MAPK4: variants seen among roughly 807,000 people sequenced by gnomAD.
The protein encoded by MAPK4 is mitogen-activated protein kinase 4, also known as Erk3-related.
Under a neutral mutation model 47.7 loss-of-function variants are expected in MAPK4, and 22 were observed. That is an observed-to-expected ratio of 0.46 (90% CI 0.33 to 0.66). MAPK4 has a LOEUF of 0.66. Among genes scored for constraint, MAPK4 ranks in the 30% least tolerant of loss-of-function variants. MAPK4 has a pLI of 0.02. For missense variants in MAPK4, 736 were observed against 831.7 expected, an observed-to-expected ratio of 0.88 and a Z score of 1.42; for synonymous variants, 390 against 365.7, an observed-to-expected ratio of 1.07 and a Z score of -0.76.
intron 1 of MAPK4, among the ~76,000 whole-genome samples, chr18:50,624,268 G>A (rs140836734): frequency 1.3e-5 from 2 of 152,316 alleles, no homozygotes; most frequent in East Asian, 3.9e-4. Context: ...GCTTTGTATG[G>A]CCTGTTGCAC....
In MAPK4 at chr18:50,664,423, C is replaced by G. The variant is rs371208782; in HGVS notation, c.465C>G (p.Ile155Met). 6.2e-7 allele frequency: 1 copy of G among 1,614,150 alleles called. No individual in the cohort carries two copies. The highest frequency in any genetic ancestry group is 1.1e-5 in the South Asian group (1 of 91,072). The change falls in exon 2 of 6, where the codon ATC becomes ATG. Residue 155 changes from isoleucine to methionine, a missense_variant. By Grantham distance (10) the Ile-to-Met change is conservative (BLOSUM62 1). This residue lies in a region of MAPK4 where 327 missense variants were observed against 395.4 expected (regional missense o/e 0.83). Coordinates refer to ENST00000400384, the MANE Select transcript of MAPK4 (RefSeq NM_002747.4). The surrounding 1 kb of genome is among the most constrained non-coding windows in gnomAD (Gnocchi z 6.0). ...ACAGGGACCTGAAGCCCGCCAACAT[C>G]TTCATCAGCACAGAGGACCTCGTGC... ...VLHRDLKPAN[I>M]FISTEDLVLK...
At chr18:50,582,690 A>T (rs1011779425) in intron 1 of MAPK4, among the ~76,000 whole-genome samples, 1 of 152,244 alleles carries the variant, frequency 6.6e-6, no homozygotes, top group Admixed American at 6.5e-5. Flanking sequence ...TTGGCCTGGC[A>T]GACTGTGCTT....
intron 1 of MAPK4, among the ~76,000 whole-genome samples, chr18:50,612,887 G>T (rs991054383): frequency 4.6e-5 from 7 of 152,146 alleles, no homozygotes; most frequent in African/African-American, 1.7e-4. Context: ...AAGATCTTTG[G>T]CAAACAACAA....
chr18:50,618,955 A>G (rs939013484), intron 1 of MAPK4, among the ~76,000 whole-genome samples: 9 of 152,174 alleles, frequency 5.9e-5, no homozygotes, highest in East Asian at 1.9e-4. Flanking sequence ...ACTGCCTTCT[A>G]TAGAATATCT....
Position 50,729,640 on chromosome 18 carries a change from G to C in MAPK4, c.1550G>C (p.Arg517Pro), listed in dbSNP as rs761591123. ...ASPPADDPER[R>P]LSASPPGRPA... ...CCGCCCGCCGACGACCCCGAGCGCC[G>C]CTTGTCTGCCTCGCCCCCCGGCCGC... The change falls in exon 6 of 6, where the codon CGC becomes CCC. Residue 517 changes from arginine (R) to proline (P), a missense_variant. Transcript: ENST00000400384. The C allele has an allele frequency of 5.2e-5, 77 of 1,483,912 alleles. No homozygotes were observed. Among genetic ancestry groups the C allele is most frequent in the Non-Finnish European group, 6.4e-5 (71 of 1,114,944 alleles). The allele number at this position is 1,483,912 out of a possible 1,614,324, so 91.9% of individuals were successfully genotyped here.
intron 1 of MAPK4, among the ~76,000 whole-genome samples, chr18:50,589,422 C>T (rs1355304370): frequency 6.6e-6 from 1 of 152,106 alleles, no homozygotes; most frequent in Non-Finnish European, 1.5e-5. Flanking sequence ...CGGTGAAACC[C>T]CGTCTCTACT....
chr18:50,606,972 A>G (rs12455034), intron 1 of MAPK4, among the ~76,000 whole-genome samples: 26,002 of 152,274 alleles, frequency 0.17, 2,567 homozygotes, highest in Middle Eastern at 0.26. Context: ...GTCCCTGTCA[A>G]TGCATGTTGC....
chr18:50,700,073 C>G (rs1440328319), intron 2 of MAPK4, among the ~76,000 whole-genome samples: 1 of 152,148 alleles, frequency 6.6e-6, no homozygotes, highest in African/African-American at 2.4e-5. Flanking sequence ...TAACTGAACT[C>G]AACCTCCAGC....
At chr18:50,698,008 A>G (rs913396524) in intron 2 of MAPK4, among the ~76,000 whole-genome samples, 2 of 152,036 alleles carry the variant, frequency 1.3e-5, no homozygotes, top group African/African-American at 4.8e-5. Flanking sequence ...CAACAATGAT[A>G]CTCTTCTCCC....
At chr18:50,716,209 C>G (rs930017846) in intron 3 of MAPK4, among the ~76,000 whole-genome samples, 8 of 152,140 alleles carry the variant, frequency 5.3e-5, no homozygotes, top group Non-Finnish European at 1.2e-4. Flanking sequence ...ATGGTTCACG[C>G]CCCCTCCATC....
At chr18:50,560,062 T>TGGGGCC (rs1244983045), upstream of MAPK4, 105 of 147,434 alleles carry the variant, frequency 7.1e-4, no homozygotes, top group Middle Eastern at 3.5e-3. Context: ...CGGCGCAGGC[T>TGGGGCC]GGGGCCGGGG....
At chr18:50,724,768 G>A (rs927939887) in intron 4 of MAPK4, among the ~76,000 whole-genome samples, 3 of 152,374 alleles carry the variant, frequency 2.0e-5, no homozygotes, top group African/African-American at 7.2e-5. Flanking sequence ...GGTGTGAGGG[G>A]CAGGTTAATG....
At chr18:50,569,893 G>A (rs2042234901) in intron 1 of MAPK4, among the ~76,000 whole-genome samples, 1 of 152,212 alleles carries the variant, frequency 6.6e-6, no homozygotes, top group South Asian at 2.1e-4. Flanking sequence ...CTCCAACTGG[G>A]TAAAAGCAGC....
Position 50,664,588 on chromosome 18 carries a change from C to G in MAPK4, c.546+84C>G. 1 of 1,429,008 alleles carries G rather than the reference C, an allele frequency of 7.0e-7. No individual in the cohort carries two copies. The highest frequency in any genetic ancestry group is 9.5e-7 in the Non-Finnish European group (1 of 1,052,448). The allele number at this position is 1,429,008 out of a possible 1,614,324, so 88.5% of individuals were successfully genotyped here. ...AGCATTCCCAAGCTATTCCTAGCTC[C>G]ATGGTAGTCAGAGGACTAGAGTTAG... On this transcript the variant is annotated intron_variant, in intron 2 of 5. Transcript: ENST00000400384. The surrounding 1 kb of genome is among the most constrained non-coding windows in gnomAD (Gnocchi z 6.0).
intron 2 of MAPK4, among the ~76,000 whole-genome samples, chr18:50,690,586 A>C (rs1909158428): frequency 6.6e-6 from 1 of 152,252 alleles, no homozygotes; most frequent in African/African-American, 2.4e-5. Flanking sequence ...CATCTGTAAT[A>C]GATGAAGGAG....
intron 2 of MAPK4, among the ~76,000 whole-genome samples, chr18:50,711,458 C>T (rs1910358830): frequency 6.6e-6 from 1 of 152,350 alleles, no homozygotes; most frequent in East Asian, 1.9e-4. Context: ...GTGGTGGTCA[C>T]AGAGAACTGT....
chr18:50,560,800 C>A (rs2042146820), intron 1 of MAPK4: 1 of 152,450 alleles, frequency 6.6e-6, no homozygotes, highest in Non-Finnish European at 1.5e-5. Context: ...GGGACCCCGC[C>A]GCTTTCGCCG....
rs867929147 is a variant in MAPK4 at position 50,570,285 on chromosome 18, C to T, written c.-871+10042C>T. Among the ~76,000 whole-genome samples the T allele has an allele frequency of 2.6e-5, 4 of 152,326 alleles. 1 individual carries two copies. Among genetic ancestry groups the T allele is most frequent in the Middle Eastern group, 6.8e-3 (2 of 294 alleles). The stretch of plus-strand genomic sequence containing the variant: ...GACATAGCCACATGTAGATATATTT[C>T]CCTGCATAGATGAAACTAATTCCTC... On this transcript the variant is annotated intron_variant, in intron 1 of 5. Coordinates refer to ENST00000400384, the MANE Select transcript of MAPK4 (RefSeq NM_002747.4).
chr18:50,621,605 C>T (rs547019273), intron 1 of MAPK4, among the ~76,000 whole-genome samples: 2 of 152,312 alleles, frequency 1.3e-5, no homozygotes, highest in South Asian at 4.1e-4. Flanking sequence ...TCAGATTTGA[C>T]TCTTTCTCTC....
Sources: gnomAD v4.1 joint callset for allele counts (sites outside exome capture counted in the v4.1 genomes callset) on GRCh38, gnomAD v4.1.1 for gene constraint, gnomAD v4.1.1 regional missense constraint, Gnocchi (gnomAD v3.1) non-coding constraint, MANE v1.5 for transcripts, NCBI Gene and HGNC (gene_info 2026-07-23, HGNC 2026-07-21) for gene names.